SMS: variants seen among roughly 807,000 people sequenced by gnomAD.
SMS encodes the protein spermidine aminopropyltransferase.
SMS carries 3 observed loss-of-function variants against 33.0 expected under a neutral mutation model. The observed-to-expected ratio is 0.09, with a 90% CI of 0.04 to 0.23. The LOEUF (loss-of-function observed/expected upper bound fraction) is 0.23, where lower values mean the gene tolerates loss of function less well. Ranked by LOEUF, SMS falls within the 10% of genes least tolerant of loss-of-function variation. SMS has a pLI of 1.00. For synonymous variants in SMS, 103 were observed against 112.2 expected (o/e 0.92, Z 0.52); for missense variants, 117 against 288.6 (o/e 0.41, Z 4.31).
At chrX:21,983,375 A>G (rs1476241285) in intron 7 of SMS, among the ~76,000 whole-genome samples, 2 of 98,617 alleles carry the variant, frequency 2.0e-5, no homozygotes, top group Non-Finnish European at 4.1e-5. Flanking sequence ...TCTGACTATT[A>G]TATTTAATTT....
chrX:21,981,046 G>A (rs1924904855), intron 7 of SMS, among the ~76,000 whole-genome samples: 1 of 111,834 alleles, frequency 8.9e-6, no homozygotes, highest in Admixed American at 9.5e-5. Context: ...GAACAGGCCG[G>A]GCTTGGTGGC....
In SMS at chrX:21,994,649, T is replaced by G; in HGVS notation, c.*298T>G. On this transcript the variant is annotated 3_prime_UTR_variant, in exon 11 of 11. Coordinates refer to ENST00000404933, the MANE Select transcript of SMS (RefSeq NM_004595.5). Reference sequence around the variant, plus strand: ...TCCTTTTTATTTCTCTGTGGGCTTTTGTTTTTGTTTTTGTTTTGGTAGATC... The same window carrying G: ...TCCTTTTTATTTCTCTGTGGGCTTTGGTTTTTGTTTTTGTTTTGGTAGATC... 1 of 848,122 alleles carries G rather than the reference T, an allele frequency of 1.2e-6. No homozygotes were observed. The highest frequency in any genetic ancestry group is 1.4e-6 in the Non-Finnish European group (1 of 699,377). 69.9% of individuals were successfully genotyped at this position (848,122 alleles called of 1,213,427 possible). A position where few individuals can be genotyped will look rare whatever the true frequency, so the allele number is the denominator to read the frequency against.
At chrX:21,967,591 T>TG (rs1372353491) in intron 2 of SMS, among the ~76,000 whole-genome samples, 1 of 111,148 alleles carries the variant, frequency 9.0e-6, no homozygotes, top group Non-Finnish European at 1.9e-5. Flanking sequence ...ATGCCCAGAG[T>TG]GGGCATAAGG....
intron 1 of SMS, among the ~76,000 whole-genome samples, chrX:21,965,621 G>A (rs371407940): frequency 2.9e-5 from 3 of 102,117 alleles, no homozygotes; most frequent in East Asian, 6.1e-4. Context: ...GGTGGCGGGC[G>A]CCTGTAGTCC....
intron 5 of SMS, 121 bp from the exon 6 acceptor site, chrX:21,977,839 T>G: frequency 1.3e-6 from 1 of 748,068 alleles, no homozygotes; most frequent in Non-Finnish European, 2.1e-6. Flanking sequence ...GTTCACAGTT[T>G]TAAAAAATTG....
At chrX:21,989,639 G>T (rs764647355) in intron 9 of SMS, among the ~76,000 whole-genome samples, 5 of 111,920 alleles carry the variant, frequency 4.5e-5, no homozygotes, top group Non-Finnish European at 7.5e-5. Flanking sequence ...TGGGCATAAA[G>T]AAATAACTAT....
chrX:21,981,649 GA>G, intron 7 of SMS, among the ~76,000 whole-genome samples: 1 of 111,983 alleles, frequency 8.9e-6, no homozygotes, highest in South Asian at 3.7e-4. Context: ...GTTGACTTGG[GA>G]AAAGCGTTAG....
intron 1 of SMS, among the ~76,000 whole-genome samples, chrX:21,946,437 A>T (rs1922235635): frequency 1.8e-5 from 2 of 112,771 alleles, no homozygotes; most frequent in African/African-American, 6.5e-5. Context: ...ATTTTAGGTA[A>T]ATCCTCAAAA....
At chrX:21,957,153 CT>C (rs111845628) in intron 1 of SMS, among the ~76,000 whole-genome samples, 38,585 of 90,976 alleles carry the variant, frequency 0.42, 7,867 homozygotes, top group African/African-American at 0.7. Context: ...AAACCAACTA[CT>C]TTTTTTTTTT....
intron 4 of SMS, among the ~76,000 whole-genome samples, chrX:21,972,833 G>A (rs757527743): frequency 8.5e-5 from 9 of 106,231 alleles, no homozygotes; most frequent in Non-Finnish European, 1.5e-4. Flanking sequence ...GGCCTGAACC[G>A]AGGAGGCAGG....
intron 1 of SMS, among the ~76,000 whole-genome samples, chrX:21,961,966 C>G (rs779618220): frequency 1.8e-5 from 2 of 112,570 alleles, no homozygotes; most frequent in South Asian, 3.7e-4. Flanking sequence ...TTGAACCTGT[C>G]TTCACATTTT....
At chrX:21,963,219 G>T (rs1923478564) in intron 1 of SMS, among the ~76,000 whole-genome samples, 1 of 111,648 alleles carries the variant, frequency 9.0e-6, no homozygotes, top group African/African-American at 3.3e-5. Flanking sequence ...CCTTCCTGGA[G>T]TGTCTTCCCC....
intron 10 of SMS, among the ~76,000 whole-genome samples, chrX:21,993,580 G>A (rs764174328): frequency 2.7e-5 from 3 of 112,038 alleles, no homozygotes; most frequent in Non-Finnish European, 5.6e-5. Context: ...GGCAGAGCCC[G>A]ACGGGGCAAA....
chrX:21,989,247 G>T (rs1925594248), intron 9 of SMS, among the ~76,000 whole-genome samples: 1 of 110,812 alleles, frequency 9.0e-6, no homozygotes, highest in Non-Finnish European at 1.9e-5. Flanking sequence ...GACAGCCTGG[G>T]CAACATAGTG....
chrX:21,985,883 G>A (rs1015407337), intron 9 of SMS, among the ~76,000 whole-genome samples: 1 of 111,054 alleles, frequency 9.0e-6, no homozygotes, highest in East Asian at 2.8e-4. Context: ...AATTAGCTGG[G>A]TATGGTGGTG....
intron 1 of SMS, among the ~76,000 whole-genome samples, chrX:21,953,675 T>G (rs951713631): frequency 1.2e-4 from 14 of 112,496 alleles, no homozygotes; most frequent in African/African-American, 3.9e-4. Context: ...CCCATTTCAT[T>G]CTTAAGTTGC....
At chrX:21,946,472 C>T (rs887071890) in intron 1 of SMS, among the ~76,000 whole-genome samples, 1 of 112,102 alleles carries the variant, frequency 8.9e-6, no homozygotes, top group African/African-American at 3.2e-5. Flanking sequence ...TCTTGTTATC[C>T]CCATTTTAAA....
At chrX:21,983,161 TC>T (rs1432888139) in intron 7 of SMS, among the ~76,000 whole-genome samples, 1 of 110,653 alleles carries the variant, frequency 9.0e-6, no homozygotes, top group African/African-American at 3.3e-5. Context: ...CACCTCAACT[TC>T]CTGAGTAGCC....
intron 1 of SMS, among the ~76,000 whole-genome samples, chrX:21,950,606 C>A (rs1221341660): frequency 1.8e-5 from 2 of 108,201 alleles, no homozygotes; most frequent in South Asian, 8.4e-4. Flanking sequence ...TGCCCCCCAC[C>A]CCCTGACAGG....
Sources: allele counts gnomAD v4.1 joint callset (sites outside exome capture counted in the v4.1 genomes callset), GRCh38; gene constraint gnomAD v4.1.1; transcripts MANE v1.5; gene names NCBI Gene and HGNC (gene_info 2026-07-23, HGNC 2026-07-21).